Variants in STXBP4 observed in about 807,000 individuals in gnomAD.
STXBP4 encodes the protein syntaxin binding protein 4, also known as syntaxin-binding protein 4.
STXBP4 carries 55 observed loss-of-function variants against 76.1 expected under a neutral mutation model. The ratio of observed to expected loss-of-function variants is 0.72; its 90% confidence interval spans 0.58 to 0.91. The LOEUF is 0.91. Among genes scored for constraint, STXBP4 ranks in the 40% least tolerant of loss-of-function variants. The pLI, the probability that STXBP4 is intolerant of heterozygous loss-of-function variation, is 0.00. For missense variants in STXBP4, 618 were observed against 636.9 expected (o/e 0.97, Z 0.32); for synonymous variants, 201 against 220.2 (o/e 0.91, Z 0.77).
chr17:55,016,933 G>A (rs1185924209), intron 8 of STXBP4, among the ~76,000 whole-genome samples: 2 of 152,170 alleles, frequency 1.3e-5, no homozygotes, highest in African/African-American at 4.8e-5. Context: ...TAGCAAAGCA[G>A]TTGCCACTAC....
rs2078975512 is a variant in STXBP4, at chr17:55,060,001, A to G, written c.1011+12847A>G. On this transcript the variant is annotated intron_variant, in intron 12 of 17. Transcript: ENST00000376352. ...ATAAGATAAATGAGATTGAGGGTAA[A>G]GATGTGTGGATTCAGAGTAGTACTT... Among the ~76,000 whole-genome samples the G allele has an allele frequency of 7.9e-5, 12 of 152,140 alleles. No individual in the cohort carries two copies. In the South Asian group the frequency reaches 2.3e-3, roughly 29 times the overall value.
At chr17:54,991,171 G>A (rs919984822) in intron 4 of STXBP4, 3 of 326,814 alleles carry the variant, frequency 9.2e-6, no homozygotes, top group African/African-American at 6.4e-5. Context: ...AGATATTTCT[G>A]ACTGTAAGAT....
chr17:55,000,371 T>A (rs2077889723), intron 6 of STXBP4: 1 of 539,090 alleles, frequency 1.9e-6, no homozygotes, highest in Admixed American at 6.3e-5. Flanking sequence ...TGCTATATTA[T>A]CTGAACAAAT....
At chr17:54,983,526 T>C (rs2077579551) in intron 1 of STXBP4, among the ~76,000 whole-genome samples, 1 of 152,186 alleles carries the variant, frequency 6.6e-6, no homozygotes, top group Non-Finnish European at 1.5e-5. Context: ...CCTTACTTAA[T>C]AGGAGGAGAT....
Position 55,073,060 on chromosome 17 carries a change from A to T in STXBP4, c.1172A>T (p.Tyr391Phe). 6.2e-7 allele frequency: 1 copy of T among 1,613,658 alleles called. No homozygotes were observed. Among genetic ancestry groups the T allele is most frequent in the Non-Finnish European group, 8.5e-7 (1 of 1,179,802 alleles). The change falls in exon 13 of 18, where the codon TAT becomes TTT. Residue 391 changes from tyrosine to phenylalanine, a missense_variant. By Grantham distance (22) the Tyr-to-Phe change is conservative. Coordinates refer to ENST00000376352, the MANE Select transcript of STXBP4 (RefSeq NM_178509.6). ...GAGCTAAAGGCTCAGCTTGCTGATT[A>T]TTCTGACCAAAATAAAGTAAGCAAA... ...ITELKAQLAD[Y>F]SDQNKESVQD...
chr17:54,982,798 C>T (rs1194019488), intron 1 of STXBP4, among the ~76,000 whole-genome samples: 1 of 152,084 alleles, frequency 6.6e-6, no homozygotes, highest in Non-Finnish European at 1.5e-5. Context: ...TAAGATTAAA[C>T]CCACTTCTGT....
chr17:55,192,881 C>T, the STXBP4 span, among the ~76,000 whole-genome samples: 1 of 152,150 alleles, frequency 6.6e-6, no homozygotes, highest in African/African-American at 2.4e-5. Flanking sequence ...AGAGGAGCCT[C>T]TCTGATGAGG....
the STXBP4 span, among the ~76,000 whole-genome samples, chr17:55,208,342 G>C: frequency 6.6e-6 from 1 of 152,104 alleles, no homozygotes; most frequent in Non-Finnish European, 1.5e-5. Context: ...ACCCAGTACG[G>C]TGTGCTGTGT....
At chr17:55,043,463 ATTCT>A (rs1237431644) in intron 11 of STXBP4, 138 bp downstream of exon 11, 7 of 764,414 alleles carry the variant, frequency 9.2e-6, no homozygotes, top group South Asian at 2.7e-5. Flanking sequence ...TAAAAATCAG[ATTCT>A]TTATTCAGTT....
intron 10 of STXBP4, among the ~76,000 whole-genome samples, chr17:55,039,716 GA>G (rs1425868150): frequency 6.6e-6 from 1 of 151,322 alleles, no homozygotes; most frequent in Non-Finnish European, 1.5e-5. Flanking sequence ...CTTTGGACAT[GA>G]GAACTAAGGA....
chr17:55,168,143 A>G lies in STXBP4; in HGVS notation c.*8232A>G, dbSNP rs537808118. The G allele has an allele frequency of 6.6e-6, 1 of 152,154 alleles. No individual in the cohort carries two copies. The highest frequency in any genetic ancestry group is 6.5e-5 in the Admixed American group (1 of 15,302). The allele number at this position is 152,154 out of a possible 1,614,324, so 9.4% of individuals were successfully genotyped here. ...CTTCTCTGATAAAAGTACTCGATATAAGGGAAATTTGAAGGAAATAGAATG... is the reference window on the plus strand; with the variant it reads ...CTTCTCTGATAAAAGTACTCGATATGAGGGAAATTTGAAGGAAATAGAATG... On this transcript the variant is annotated 3_prime_UTR_variant, in exon 18 of 18. Transcript: ENST00000376352.
At chr17:55,197,835 A>G in the STXBP4 span, among the ~76,000 whole-genome samples, 1 of 152,206 alleles carries the variant, frequency 6.6e-6, no homozygotes, top group East Asian at 1.9e-4. Context: ...GAATTTGGAA[A>G]CACCAAATGT....
intron 8 of STXBP4, among the ~76,000 whole-genome samples, chr17:55,026,061 G>A (rs1240561554): frequency 6.6e-6 from 1 of 152,112 alleles, no homozygotes; most frequent in African/African-American, 2.4e-5. Context: ...AAAAAAAGAA[G>A]TGCAAGACAT....
At chr17:55,208,682 G>A in the STXBP4 span, among the ~76,000 whole-genome samples, 1 of 152,168 alleles carries the variant, frequency 6.6e-6, no homozygotes, top group Non-Finnish European at 1.5e-5. Flanking sequence ...AAATCTTTGA[G>A]TAGTGAATAA....
chr17:54,979,926 G>C (rs2077525323), intron 1 of STXBP4, among the ~76,000 whole-genome samples: 1 of 152,088 alleles, frequency 6.6e-6, no homozygotes, highest in Non-Finnish European at 1.5e-5. Context: ...ATGGGAATTA[G>C]GCTTTTGCTT....
chr17:55,006,609 T>C (rs987446829), intron 7 of STXBP4, among the ~76,000 whole-genome samples: 23 of 152,224 alleles, frequency 1.5e-4, no homozygotes, highest in Non-Finnish European at 1.8e-4. Context: ...CAAAGGCTCA[T>C]TTAAATAATC....
chr17:55,151,315 A>T (rs990560744), intron 17 of STXBP4, among the ~76,000 whole-genome samples: 1 of 152,196 alleles, frequency 6.6e-6, no homozygotes, highest in African/African-American at 2.4e-5. Flanking sequence ...AGTTTCATCA[A>T]TTGTAAAAAC....
chr17:55,074,528 T>C (rs576242508), intron 13 of STXBP4, among the ~76,000 whole-genome samples: 64 of 152,312 alleles, frequency 4.2e-4, no homozygotes, highest in East Asian at 9.6e-4. Flanking sequence ...TTTATTATGG[T>C]TACTTTTGAA....
chr17:55,154,787 T>A (rs1297640405), intron 17 of STXBP4, among the ~76,000 whole-genome samples: 1 of 152,112 alleles, frequency 6.6e-6, no homozygotes, highest in Non-Finnish European at 1.5e-5. Flanking sequence ...GTGACAACAA[T>A]TTTTTTATAC....
Sources: allele counts gnomAD v4.1 joint callset (sites outside exome capture counted in the v4.1 genomes callset), GRCh38; gene constraint gnomAD v4.1.1; transcripts MANE v1.5; gene names NCBI Gene and HGNC (gene_info 2026-07-23, HGNC 2026-07-21).